ATP8B4: variants seen among roughly 807,000 people sequenced by gnomAD.
ATP8B4 encodes the protein ATPase phospholipid transporting 8B4 (putative), also known as probable phospholipid-transporting ATPase IM.
A neutral mutation model predicts 145.6 loss-of-function variants in ATP8B4; 133 were observed. The observed-to-expected ratio is 0.91, with a 90% CI of 0.79 to 1.05. ATP8B4 has a LOEUF of 1.05. Ranked by LOEUF, ATP8B4 falls within the 50% of genes least tolerant of loss-of-function variation. The pLI, the probability that ATP8B4 is intolerant of heterozygous loss-of-function variation, is 0.00. For synonymous variants in ATP8B4, 507 were observed against 492.9 expected (o/e 1.03, Z -0.38); for missense variants, 1,458 against 1,425.2 (o/e 1.02, Z -0.37).
In ATP8B4 at chr15:50,165,481, T is replaced by A. The variant is rs1173433342; in HGVS notation, c.-43+16780A>T. Among the ~76,000 whole-genome samples the A allele has an allele frequency of 2.0e-5, 3 of 152,282 alleles. No homozygotes were observed. In the East Asian group the frequency reaches 5.8e-4, roughly 29 times the overall value. On this transcript the variant is annotated intron_variant, in intron 1 of 3. Transcript: ENST00000558829. ...TCAATTTGGTGTTCCTGGTGGGGGA[T>A]GGTGGGGGCAATCACTGGAGGCTTC... is the stretch of plus-strand genomic sequence containing the variant.
intron 2 of ATP8B4, among the ~76,000 whole-genome samples, chr15:50,083,133 G>A (rs547725391): frequency 6.6e-6 from 1 of 152,204 alleles, no homozygotes; most frequent in African/African-American, 2.4e-5. Flanking sequence ...CAACCTCGTG[G>A]CCCAGTCACT....
chr15:50,039,674 G>A (rs1177499391), intron 5 of ATP8B4, among the ~76,000 whole-genome samples: 2 of 152,168 alleles, frequency 1.3e-5, no homozygotes, highest in African/African-American at 2.4e-5. Flanking sequence ...AGTCTTTTCA[G>A]GAGACAGAAA....
chr15:50,164,011 G>A (rs1478455119), intron 1 of ATP8B4, among the ~76,000 whole-genome samples: 1 of 152,164 alleles, frequency 6.6e-6, no homozygotes, highest in Non-Finnish European at 1.5e-5. Flanking sequence ...CCAGGCCTGA[G>A]TCTCTCTTCT....
At chr15:50,015,284 G>A (rs945236628) in intron 6 of ATP8B4, among the ~76,000 whole-genome samples, 8 of 152,152 alleles carry the variant, frequency 5.3e-5, no homozygotes, top group Non-Finnish European at 7.4e-5. Context: ...GAGAGACTTC[G>A]TTTCCATTTT....
intron 3 of ATP8B4, among the ~76,000 whole-genome samples, chr15:50,052,648 CA>C (rs1381175383): frequency 1.3e-5 from 2 of 152,116 alleles, no homozygotes; most frequent in Admixed American, 1.3e-4. Context: ...AGTGTCACAC[CA>C]GTAGAGAACC....
At chr15:50,034,094 G>C (rs1426500000) in intron 6 of ATP8B4, among the ~76,000 whole-genome samples, 2 of 152,082 alleles carry the variant, frequency 1.3e-5, no homozygotes, top group Non-Finnish European at 2.9e-5. Context: ...TGAAATTGCT[G>C]GGTCAAATAG....
At chr15:49,993,902 GT>G (rs1274771329) in intron 9 of ATP8B4, among the ~76,000 whole-genome samples, 1 of 152,058 alleles carries the variant, frequency 6.6e-6, no homozygotes, top group Non-Finnish European at 1.5e-5. Flanking sequence ...GTCTTTATTT[GT>G]GAAAACAATT....
intron 1 of ATP8B4, among the ~76,000 whole-genome samples, chr15:50,150,942 T>C (rs573670344): frequency 6.6e-6 from 1 of 152,348 alleles, no homozygotes; most frequent in African/African-American, 2.4e-5. Context: ...CATTATGATA[T>C]GGATTCCTGT....
intron 3 of ATP8B4, among the ~76,000 whole-genome samples, chr15:50,061,618 T>C (rs1043076479): frequency 2.3e-4 from 35 of 152,194 alleles, no homozygotes; most frequent in African/African-American, 8.2e-4. Flanking sequence ...AATTCCAGTA[T>C]ACCCTGGAAG....
intron 2 of ATP8B4, among the ~76,000 whole-genome samples, chr15:50,088,542 C>T (rs764201562): frequency 6.6e-5 from 10 of 152,028 alleles, no homozygotes; most frequent in Non-Finnish European, 1.5e-4. Flanking sequence ...ACATGGCTGC[C>T]GCCTCACTTC....
intron 2 of ATP8B4, among the ~76,000 whole-genome samples, chr15:50,085,560 T>A (rs963827076): frequency 1.3e-5 from 2 of 152,028 alleles, no homozygotes; most frequent in South Asian, 4.1e-4. Context: ...GATCACATCC[T>A]ACGGCACCTG....
intron 15 of ATP8B4, among the ~76,000 whole-genome samples, chr15:49,931,983 T>C (rs1440878110): frequency 2.0e-5 from 3 of 151,586 alleles, no homozygotes; most frequent in Non-Finnish European, 4.4e-5. Flanking sequence ...GTTATATGTA[T>C]ATATACATAT....
intron 6 of ATP8B4, chr15:50,018,957 C>CA: frequency 8.0e-7 from 1 of 1,251,698 alleles, no homozygotes; most frequent in Non-Finnish European, 1.0e-6. Flanking sequence ...ATTAAACCCT[C>CA]AGCTTTGTAC....
At chr15:49,980,200 C>T (rs2046032642) in intron 11 of ATP8B4, among the ~76,000 whole-genome samples, 1 of 152,150 alleles carries the variant, frequency 6.6e-6, no homozygotes, top group Non-Finnish European at 1.5e-5. Context: ...GCAGGTGATA[C>T]TGAAAGTAAA....
At chr15:49,966,419 C>T (rs1421877614) in intron 13 of ATP8B4, among the ~76,000 whole-genome samples, 1 of 152,168 alleles carries the variant, frequency 6.6e-6, no homozygotes, top group Non-Finnish European at 1.5e-5. Flanking sequence ...ACCTGGGACG[C>T]TCGAACTTGG....
chr15:50,131,142 G>C (rs1462345728), intron 1 of ATP8B4, among the ~76,000 whole-genome samples: 1 of 152,102 alleles, frequency 6.6e-6, no homozygotes, highest in African/African-American at 2.4e-5. Flanking sequence ...CTGCCCCCAT[G>C]ATTCAATTAC....
chr15:50,024,107 A>G (rs1481596131), intron 6 of ATP8B4, among the ~76,000 whole-genome samples: 1 of 152,234 alleles, frequency 6.6e-6, no homozygotes, highest in Non-Finnish European at 1.5e-5. Context: ...TTATGCATCT[A>G]GCAGTTTAGC....
chr15:49,895,332 C>G (rs887821178), intron 23 of ATP8B4: 1 of 152,224 alleles, frequency 6.6e-6, no homozygotes, highest in African/African-American at 2.4e-5. Flanking sequence ...GGGGCTAGAG[C>G]CCAGTGGGCA....
intron 1 of ATP8B4, among the ~76,000 whole-genome samples, chr15:50,138,326 G>GTAGGTAGGTAGATAGA (rs1555496744): frequency 1.4e-5 from 2 of 148,118 alleles, no homozygotes; most frequent in African/African-American, 2.6e-5. Flanking sequence ...AGATAGATAG[G>GTAGGTAGGTAGATAGA]TAGATAGATA....
Sources: allele counts gnomAD v4.1 joint callset (sites outside exome capture counted in the v4.1 genomes callset), GRCh38; gene constraint gnomAD v4.1.1; transcripts MANE v1.5; gene names NCBI Gene and HGNC (gene_info 2026-07-23, HGNC 2026-07-21).